The following GABRA3 variants were observed in gnomAD, a reference collection of about 807,000 sequenced individuals.
The protein encoded by GABRA3 is gamma-aminobutyric acid receptor subunit alpha-3.
Under a neutral mutation model 30.1 loss-of-function variants are expected in GABRA3, and 10 were observed. The observed-to-expected ratio is 0.33, with a 90% CI of 0.20 to 0.56. The LOEUF (loss-of-function observed/expected upper bound fraction) is 0.56, where lower values mean the gene tolerates loss of function less well. Among genes scored for constraint, GABRA3 ranks in the 20% least tolerant of loss-of-function variants. GABRA3 has a pLI of 0.89. For missense variants in GABRA3, 233 were observed against 392.0 expected, an observed-to-expected ratio of 0.59 and a Z score of 3.42; for synonymous variants, 151 against 146.8, an observed-to-expected ratio of 1.03 and a Z score of -0.21.
chrX:152,391,672 A>G (rs771873704), intron 1 of GABRA3, among the ~76,000 whole-genome samples: 1 of 111,598 alleles, frequency 9.0e-6, no homozygotes, highest in Non-Finnish European at 1.9e-5. Context: ...TTTCTCAGAA[A>G]GACACGATGA....
intron 1 of GABRA3, among the ~76,000 whole-genome samples, chrX:152,415,678 C>T (rs1930193737): frequency 9.0e-6 from 1 of 111,392 alleles, no homozygotes; most frequent in Admixed American, 9.6e-5. Flanking sequence ...GCATAGTTAA[C>T]ATTGTACTAC....
chrX:152,411,180 T>C (rs1007058766), intron 1 of GABRA3, among the ~76,000 whole-genome samples: 8 of 110,221 alleles, frequency 7.3e-5, no homozygotes, highest in African/African-American at 2.3e-4. Flanking sequence ...GTGGGCATGG[T>C]GGTATGTGCC....
chrX:152,264,860 C>G (rs1938795372), intron 4 of GABRA3, among the ~76,000 whole-genome samples: 1 of 110,209 alleles, frequency 9.1e-6, no homozygotes, highest in South Asian at 3.8e-4. Flanking sequence ...TTATATCAGA[C>G]AAAATAGATA....
At chrX:152,236,263 C>A (rs867728339) in intron 5 of GABRA3, among the ~76,000 whole-genome samples, 1 of 104,171 alleles carries the variant, frequency 9.6e-6, no homozygotes, top group African/African-American at 3.6e-5. Flanking sequence ...TTTGTTCTTG[C>A]GATAGTTTAC....
chrX:152,427,792 A>G (rs1930548117), intron 1 of GABRA3, among the ~76,000 whole-genome samples: 1 of 111,868 alleles, frequency 8.9e-6, no homozygotes, highest in Non-Finnish European at 1.9e-5. Flanking sequence ...CACCAAGAAA[A>G]CAACGAATGC....
chrX:152,422,070 A>G (rs1188032816), intron 1 of GABRA3, among the ~76,000 whole-genome samples: 2 of 111,482 alleles, frequency 1.8e-5, no homozygotes, highest in Non-Finnish European at 3.8e-5. Flanking sequence ...AAATGTGGAC[A>G]TGTGTTCAGC....
rs186945358 is a variant in GABRA3, at chrX:152,241,875, C to T, written c.551+13903G>A. On this transcript the variant is annotated intron_variant, in intron 5 of 9. Coordinates refer to ENST00000370314, the MANE Select transcript of GABRA3 (RefSeq NM_000808.4). ...GCCCTGCTTGGGCTCGCACACGGTG[C>T]GCGCACCCACTGGCCTGCACCCACT... Among the ~76,000 whole-genome samples the T allele has an allele frequency of 1.3e-4, 14 of 111,661 alleles. No individual in the cohort carries two copies. The East Asian group carries it at 2.6e-3, about 21-fold the overall frequency.
rs60043211 is a variant in GABRA3 at position 152,289,605 on chromosome X, T to G, written c.263-4870A>C. On this transcript the variant is annotated intron_variant, in intron 3 of 9. Transcript: ENST00000370314. ...ATAGGCATACATGTGCCATGTTGGT[T>G]TGCTGCACCCATTAATTCATCACTT... is the stretch of plus-strand genomic sequence containing the variant. Among the ~76,000 whole-genome samples the G allele has an allele frequency of 7.9e-3, 872 of 111,051 alleles. 11 individuals carry two copies. Among genetic ancestry groups the G allele is most frequent in the African/African-American group, 0.027 (837 of 30,513 alleles).
chrX:152,218,266 T>C (rs1220538076), intron 6 of GABRA3, among the ~76,000 whole-genome samples: 1 of 110,701 alleles, frequency 9.0e-6, no homozygotes, highest in Middle Eastern at 4.2e-3. Flanking sequence ...CTCAACATAT[T>C]TGTAAATTTT....
At position 152,417,114 on chromosome X, in the gene GABRA3, G is replaced by A. The variant is rs756627711; in HGVS notation, c.-27+34032C>T. Among the ~76,000 whole-genome samples the A allele has an allele frequency of 3.4e-3, 360 of 106,329 alleles. 1 individual carries two copies. Among genetic ancestry groups the A allele is most frequent in the African/African-American group, 0.012 (333 of 28,623 alleles). The allele number at this position is 106,329 out of a possible 115,157, so 92.3% of individuals were successfully genotyped here. A position where few individuals can be genotyped will look rare whatever the true frequency, so the allele number is the denominator to read the frequency against. ...ACCTACAAAATGGGAGAAAATTTTC[G>A]CAACCTACTCATCTGACAAAGGGCT... On this transcript the variant is annotated intron_variant, in intron 1 of 9. Transcript: ENST00000370314.
intron 1 of GABRA3, among the ~76,000 whole-genome samples, chrX:152,373,349 C>T (rs965243836): frequency 3.8e-4 from 42 of 111,299 alleles, no homozygotes; most frequent in African/African-American, 1.2e-3. Flanking sequence ...TGAACATACA[C>T]GTGTATGTAT....
At chrX:152,326,222 A>G (rs923449816) in intron 3 of GABRA3, among the ~76,000 whole-genome samples, 1 of 111,777 alleles carries the variant, frequency 8.9e-6, no homozygotes, top group Admixed American at 9.5e-5. Flanking sequence ...CCAAATCTAC[A>G]TCTGATTGGT....
intron 3 of GABRA3, among the ~76,000 whole-genome samples, chrX:152,297,828 C>A (rs1939557256): frequency 8.9e-6 from 1 of 112,482 alleles, no homozygotes; most frequent in Non-Finnish European, 1.9e-5. Flanking sequence ...CGAGAGCAGA[C>A]TCTTCACCAG....
chrX:152,317,561 G>A (rs1220357661), intron 3 of GABRA3, among the ~76,000 whole-genome samples: 1 of 111,616 alleles, frequency 9.0e-6, no homozygotes, highest in African/African-American at 3.2e-5. Flanking sequence ...TAGACCATAT[G>A]ATAGGACATA....
chrX:152,182,879 G>GTA (rs989340509), intron 9 of GABRA3, among the ~76,000 whole-genome samples: 13 of 94,606 alleles, frequency 1.4e-4, no homozygotes, highest in Admixed American at 5.0e-4. Flanking sequence ...TATATATAGT[G>GTA]TATATATATA....
At chrX:152,252,732 G>A (rs956135604) in intron 5 of GABRA3, among the ~76,000 whole-genome samples, 31 of 111,429 alleles carry the variant, frequency 2.8e-4, no homozygotes, top group Middle Eastern at 9.2e-3. Flanking sequence ...AGTAACGGAA[G>A]TTTATTTCTC....
At chrX:152,413,892 G>A (rs1180451733) in intron 1 of GABRA3, among the ~76,000 whole-genome samples, 3 of 108,240 alleles carry the variant, frequency 2.8e-5, no homozygotes, top group African/African-American at 1.0e-4. Flanking sequence ...AAAATCCCGA[G>A]GAATAAAAAA....
intron 2 of GABRA3, among the ~76,000 whole-genome samples, chrX:152,356,930 T>C (rs1280702874): frequency 8.9e-6 from 1 of 112,101 alleles, no homozygotes; most frequent in Non-Finnish European, 1.9e-5. Context: ...ATCTCGTTCT[T>C]TTTTATGACT....
intron 3 of GABRA3, among the ~76,000 whole-genome samples, chrX:152,319,157 C>G (rs1016455581): frequency 1.8e-5 from 2 of 111,653 alleles, no homozygotes; most frequent in East Asian, 5.6e-4. Context: ...ATTGCCAAAA[C>G]CAATCAACAA....
Sources: gnomAD v4.1 joint callset for allele counts (sites outside exome capture counted in the v4.1 genomes callset) on GRCh38, gnomAD v4.1.1 for gene constraint, MANE v1.5 for transcripts, NCBI Gene and HGNC (gene_info 2026-07-23, HGNC 2026-07-21) for gene names.